Variants in KLHL29 observed in about 807,000 individuals in gnomAD.
KLHL29 encodes kelch-like protein 29.
KLHL29 carries 21 observed loss-of-function variants against 80.4 expected under a neutral mutation model. That is an observed-to-expected ratio of 0.26 (90% confidence interval 0.19 to 0.38). KLHL29 has a LOEUF of 0.38. Among genes scored for constraint, KLHL29 ranks in the 10% least tolerant of loss-of-function variants. The probability of loss-of-function intolerance (pLI) is 1.00; values close to 1 mark genes in which losing one functional copy is unlikely to be tolerated. For missense variants in KLHL29, 867 were observed against 1,223.9 expected (o/e 0.71, Z 4.35); for synonymous variants, 511 against 526.8 (o/e 0.97, Z 0.41).
intron 3 of KLHL29, among the ~76,000 whole-genome samples, chr2:23,623,591 G>C (rs1669239050): frequency 6.6e-6 from 1 of 152,194 alleles, no homozygotes. Context: ...AAAAGATTCT[G>C]TGGGGCCAGC....
At chr2:23,629,165 C>G (rs576701150) in intron 3 of KLHL29, among the ~76,000 whole-genome samples, 1 of 152,208 alleles carries the variant, frequency 6.6e-6, no homozygotes, top group East Asian at 1.9e-4. Flanking sequence ...ATGAAAGGCC[C>G]GGCCCCGCTC....
At chr2:23,477,201 T>G (rs1181812531) in intron 2 of KLHL29, among the ~76,000 whole-genome samples, 3 of 152,264 alleles carry the variant, frequency 2.0e-5, no homozygotes, top group African/African-American at 7.2e-5. Flanking sequence ...CCTCATGCCT[T>G]CTGACCGGTG....
chr2:23,620,427 G>A (rs923121675), intron 3 of KLHL29, among the ~76,000 whole-genome samples: 2 of 152,078 alleles, frequency 1.3e-5, no homozygotes, highest in African/African-American at 4.8e-5. Context: ...AGAGGTGAGG[G>A]TCAGGGAGGC....
intron 2 of KLHL29, among the ~76,000 whole-genome samples, chr2:23,554,586 T>C (rs866659464): frequency 1.3e-5 from 2 of 152,128 alleles, no homozygotes; most frequent in African/African-American, 4.8e-5. Flanking sequence ...CATGTTAATA[T>C]GTGTGGGCCG....
chr2:23,537,459 C>T lies in KLHL29; in HGVS notation c.-45-24693C>T, dbSNP rs1572386691. ...ACACACACACACACACACACACACA[C>T]ACACACAGGCACGCACACGCTTCTC... On this transcript the variant is annotated intron_variant, in intron 2 of 13. Transcript: ENST00000486442. Among the ~76,000 whole-genome samples the T allele has an allele frequency of 4.8e-5, 4 of 84,168 alleles. No individual in the cohort carries two copies. The South Asian group carries it at 1.6e-3, about 34-fold the overall frequency. 55.2% of individuals were successfully genotyped at this position (84,168 alleles called of 152,430 possible).
At chr2:23,403,724 A>AGTGT (rs1351270818) in intron 1 of KLHL29, among the ~76,000 whole-genome samples, 152 of 140,292 alleles carry the variant, frequency 1.1e-3, no homozygotes, top group South Asian at 1.2e-3. Context: ...AGAGAGAGAG[A>AGTGT]GAGTGTGTGT....
chr2:23,429,419 T>C (rs1459670636), intron 1 of KLHL29, among the ~76,000 whole-genome samples: 1 of 152,222 alleles, frequency 6.6e-6, no homozygotes. Context: ...TACAGATGTT[T>C]CTTTTGTGCT....
intron 2 of KLHL29, among the ~76,000 whole-genome samples, chr2:23,476,118 AC>A (rs1409767631): frequency 6.6e-6 from 1 of 151,898 alleles, no homozygotes; most frequent in East Asian, 1.9e-4. Context: ...CAAGTGATCT[AC>A]CCGCTTCAGC....
rs931706347 is a variant in KLHL29, at chr2:23,680,911, G to C, written c.941-3488G>C. Among the ~76,000 whole-genome samples the C allele has an allele frequency of 4.6e-5, 7 of 152,300 alleles. No homozygotes were observed. The highest frequency in any genetic ancestry group is 4.6e-4 in the Admixed American group (7 of 15,308). On this transcript the variant is annotated intron_variant, in intron 5 of 13. Transcript: ENST00000486442. This position sits in a 1 kb window ranked among gnomAD's most constrained non-coding sequence, Gnocchi z 4.1. Reference sequence around the variant, plus strand: ...GTCCACTCTGAAGACCCAGCCCCGAGGCCTGCAAATCTCCCACACCTGAGA... The same window carrying C: ...GTCCACTCTGAAGACCCAGCCCCGACGCCTGCAAATCTCCCACACCTGAGA...
In KLHL29 at chr2:23,681,778, G is replaced by A. The variant is rs775702612; in HGVS notation, c.941-2621G>A. ...CCAGAATTCTGTCCCCTCCCCTACC[G>A]CTTCACTCAAAAAGGGGATGTCATC... On this transcript the variant is annotated intron_variant, in intron 5 of 13. Transcript: ENST00000486442. This position sits in a 1 kb window ranked among gnomAD's most constrained non-coding sequence, Gnocchi z 4.2. 1.3e-5 allele frequency among the ~76,000 whole-genome samples: 2 copies of A among 152,038 alleles called. No individual in the cohort carries two copies. The highest frequency in any genetic ancestry group is 2.4e-5 in the African/African-American group (1 of 41,406).
intron 1 of KLHL29, among the ~76,000 whole-genome samples, chr2:23,453,723 G>A (rs1008969819): frequency 6.6e-6 from 1 of 152,176 alleles, no homozygotes; most frequent in Admixed American, 6.5e-5. Context: ...GTTCCAAGCC[G>A]TGCTTTGAAA....
At chr2:23,545,183 T>G (rs1666950335) in intron 2 of KLHL29, among the ~76,000 whole-genome samples, 1 of 152,036 alleles carries the variant, frequency 6.6e-6, no homozygotes, top group African/African-American at 2.4e-5. Context: ...AAGAAGCATT[T>G]GTGAGTGAGA....
At chr2:23,395,109 G>C (rs1410818737) in intron 1 of KLHL29, among the ~76,000 whole-genome samples, 1 of 152,152 alleles carries the variant, frequency 6.6e-6, no homozygotes, top group Non-Finnish European at 1.5e-5. Flanking sequence ...AATACTGTGA[G>C]CTCAATGAAT....
intron 2 of KLHL29, among the ~76,000 whole-genome samples, chr2:23,552,884 CA>C (rs1274340789): frequency 4.0e-5 from 6 of 151,534 alleles, no homozygotes; most frequent in African/African-American, 9.7e-5. Context: ...CTCAACCTCC[CA>C]AGTAGCTGGG....
chr2:23,401,384 A>G (rs887734096), intron 1 of KLHL29, among the ~76,000 whole-genome samples: 1 of 152,200 alleles, frequency 6.6e-6, no homozygotes, highest in Non-Finnish European at 1.5e-5. Flanking sequence ...ACAGCTAACA[A>G]TTGACCTTCA....
intron 2 of KLHL29, among the ~76,000 whole-genome samples, chr2:23,509,061 A>C (rs1665692964): frequency 6.6e-6 from 1 of 152,244 alleles, no homozygotes; most frequent in African/African-American, 2.4e-5. Flanking sequence ...TGGAAGTGCC[A>C]AGGATGGTAT....
At chr2:23,466,703 GT>G (rs1341868896) in intron 1 of KLHL29, among the ~76,000 whole-genome samples, 1 of 152,124 alleles carries the variant, frequency 6.6e-6, no homozygotes, top group African/African-American at 2.4e-5. Context: ...CTTTGTTATG[GT>G]TTTTTTATCT....
At chr2:23,544,345 C>T (rs1481085399) in intron 2 of KLHL29, among the ~76,000 whole-genome samples, 1 of 152,172 alleles carries the variant, frequency 6.6e-6, no homozygotes, top group Admixed American at 6.5e-5. Flanking sequence ...AGCAGGTCTC[C>T]GGGGCTGCGC....
chr2:23,469,207 G>A (rs373286502), intron 1 of KLHL29, among the ~76,000 whole-genome samples: 1 of 152,318 alleles, frequency 6.6e-6, no homozygotes, highest in Middle Eastern at 3.4e-3. Context: ...CCAAGGCAGC[G>A]GGAGTGGAGC....
Sources: allele counts gnomAD v4.1 joint callset (sites outside exome capture counted in the v4.1 genomes callset), GRCh38; gene constraint gnomAD v4.1.1; non-coding constraint Gnocchi (gnomAD v3.1); transcripts MANE v1.5; gene names NCBI Gene and HGNC (gene_info 2026-07-23, HGNC 2026-07-21).